ASXL1: variants seen among roughly 807,000 people sequenced by gnomAD.
The protein encoded by ASXL1 is ASXL transcriptional regulator 1.
ASXL1 carries 65 observed loss-of-function variants against 89.1 expected under a neutral mutation model. The observed-to-expected ratio is 0.73, with a 90% CI of 0.60 to 0.90. ASXL1 has a LOEUF of 0.90. ASXL1 is among the 40% of genes least tolerant of loss of function. ASXL1 has a pLI of 0.00. For missense variants in ASXL1, 1,786 were observed against 1,942.9 expected, an observed-to-expected ratio of 0.92 and a Z score of 1.52; for synonymous variants, 739 against 746.9, an observed-to-expected ratio of 0.99 and a Z score of 0.17.
intron 1 of ASXL1, among the ~76,000 whole-genome samples, chr20:32,362,433 G>A (rs543033609): frequency 2.0e-5 from 3 of 152,146 alleles, no homozygotes; most frequent in South Asian, 4.1e-4. Context: ...TCAGGAGATC[G>A]AGACCATCCT....
chr20:32,381,252 C>T (rs1216255474), intron 4 of ASXL1, among the ~76,000 whole-genome samples: 1 of 152,130 alleles, frequency 6.6e-6, no homozygotes, highest in African/African-American at 2.4e-5. Flanking sequence ...GTTATTTAGG[C>T]TGAGTGCAGT....
Position 32,425,389 on chromosome 20 carries a change from A to C in ASXL1, c.253-2739A>C, listed in dbSNP as rs191342559. On this transcript the variant is annotated intron_variant, in intron 4 of 12. Transcript: ENST00000375687. ...CCTAGGAGGGACGTTGCTGGGTCAG[A>C]GGATGTTTGTATCTTCAACTGTACC... Among the ~76,000 whole-genome samples, 4 of 152,324 alleles carry C rather than the reference A, an allele frequency of 2.6e-5. No individual in the cohort carries two copies. The East Asian group carries it at 7.7e-4, about 29-fold the overall frequency.
At chr20:32,416,855 T>G (rs2049146625) in intron 4 of ASXL1, among the ~76,000 whole-genome samples, 1 of 152,194 alleles carries the variant, frequency 6.6e-6, no homozygotes, top group African/African-American at 2.4e-5. Context: ...TTTTTAAAAG[T>G]TTTGAGAAAC....
rs910695925 is a variant in ASXL1, at chr20:32,438,102, C to T, written c.*764C>T. ...CAGGTGAATTCCTCTGCTTGACATC[C>T]TCCCTGTCACTTTGGACCCTATGGG... On this transcript the variant is annotated 3_prime_UTR_variant, in exon 13 of 13. Transcript: ENST00000375687. The T allele has an allele frequency of 2.1e-5, 5 of 233,432 alleles. No individual in the cohort carries two copies. The highest frequency in any genetic ancestry group is 4.2e-5 in the Non-Finnish European group (5 of 118,086). The allele number at this position is 233,432 out of a possible 1,614,324, so 14.5% of individuals were successfully genotyped here.
At chr20:32,421,698 A>G (rs969109026) in intron 4 of ASXL1, among the ~76,000 whole-genome samples, 2 of 152,192 alleles carry the variant, frequency 1.3e-5, no homozygotes, top group Non-Finnish European at 2.9e-5. Context: ...GATGCATGCA[A>G]CAATGTAGAT....
chr20:32,406,875 A>T (rs916360332), intron 4 of ASXL1, among the ~76,000 whole-genome samples: 1 of 151,764 alleles, frequency 6.6e-6, no homozygotes, highest in Non-Finnish European at 1.5e-5. Context: ...TCTGTGCTCC[A>T]CTCAGGCTCT....
intron 8 of ASXL1, 56 bp from the exon 9 acceptor site, chr20:32,431,265 G>A: frequency 1.2e-6 from 2 of 1,611,230 alleles, no homozygotes; most frequent in Admixed American, 1.7e-5. Flanking sequence ...CCATCAGTTG[G>A]CATTTGTTTT....
At chr20:32,403,278 C>G (rs567141416) in intron 4 of ASXL1, among the ~76,000 whole-genome samples, 2 of 152,168 alleles carry the variant, frequency 1.3e-5, no homozygotes, top group African/African-American at 4.8e-5. Context: ...CTGTCAATAC[C>G]GTACTGTCTT....
chr20:32,413,759 T>C (rs2049090215), intron 4 of ASXL1, among the ~76,000 whole-genome samples: 1 of 152,246 alleles, frequency 6.6e-6, no homozygotes, highest in South Asian at 2.1e-4. Flanking sequence ...TCCTTATATG[T>C]ACCTTGGGAA....
chr20:32,372,246 T>C (rs2048311028), intron 4 of ASXL1: 3 of 1,314,456 alleles, frequency 2.3e-6, no homozygotes, highest in Admixed American at 2.7e-5. Context: ...TGCTGTAAGC[T>C]TGGGAGTGGT....
In ASXL1 at chr20:32,436,689, C is replaced by T. The variant is rs757562094; in HGVS notation, c.3977C>T (p.Pro1326Leu). 15 of 1,614,048 alleles carry T rather than the reference C, an allele frequency of 9.3e-6. No homozygotes were observed. Among genetic ancestry groups the T allele is most frequent in the Non-Finnish European group, 1.0e-5 (12 of 1,180,052 alleles). ...AGGCCTGCGGACCCGATGCCTCTTC[C>T]TGCTGAGATCCCTCCAGTTTTTCCC... ...RPRPADPMPL[P>L]AEIPPVFPSG... The change falls in exon 13 of 13, where the codon CCT becomes CTT. Residue 1326 changes from proline (P) to leucine (L), a missense_variant. This residue lies in a region of ASXL1 where 1,418 missense variants were observed against 1,427.8 expected (regional missense o/e 0.99). Coordinates refer to ENST00000375687, the MANE Select transcript of ASXL1 (RefSeq NM_015338.6).
At position 32,386,844 on chromosome 20, in the gene ASXL1, A is replaced by G. The variant is rs2048588679; in HGVS notation, c.252+17721A>G. Among the ~76,000 whole-genome samples the G allele has an allele frequency of 2.4e-5, 3 of 126,816 alleles. No individual in the cohort carries two copies. The Admixed American group carries it at 2.7e-4, about 12-fold the overall frequency. The allele number at this position is 126,816 out of a possible 152,430, so 83.2% of individuals were successfully genotyped here. A position where few individuals can be genotyped will look rare whatever the true frequency, so the allele number is the denominator to read the frequency against. Reference sequence around the variant, plus strand: ...GAAAGTTTTTAGGATCTTTTTTTCCACGATTATGTACCTTGATGTGGGTCT... The same window carrying G: ...GAAAGTTTTTAGGATCTTTTTTTCCGCGATTATGTACCTTGATGTGGGTCT... On this transcript the variant is annotated intron_variant, in intron 4 of 12. Transcript: ENST00000375687.
chr20:32,428,104 C>G, intron 4 of ASXL1, 24 bp from the exon 5 acceptor site: 1 of 1,612,568 alleles, frequency 6.2e-7, no homozygotes, highest in East Asian at 2.2e-5. Flanking sequence ...TTTTGTTCAC[C>G]TGAGTTGTAC....
At chr20:32,412,315 G>C (rs868127501) in intron 4 of ASXL1, among the ~76,000 whole-genome samples, 4 of 152,162 alleles carry the variant, frequency 2.6e-5, no homozygotes, top group Middle Eastern at 3.2e-3. Flanking sequence ...TAAACACTTA[G>C]TAGTTTTATA....
At chr20:32,368,925 C>A in intron 3 of ASXL1, 90 bp from the exon 4 acceptor site, 1 of 1,060,342 alleles carries the variant, frequency 9.4e-7, no homozygotes, top group Non-Finnish European at 1.4e-6. Context: ...TGCTTAGCTT[C>A]TTCTCATTTA....
intron 11 of ASXL1, 121 bp downstream of exon 11, chr20:32,433,106 T>C (rs1363166193): frequency 6.5e-7 from 1 of 1,540,974 alleles, no homozygotes; most frequent in South Asian, 1.2e-5. Context: ...GACACTTGGG[T>C]CATTTATCTT....
chr20:32,364,356 C>T (rs949759681), intron 1 of ASXL1, among the ~76,000 whole-genome samples: 1 of 152,050 alleles, frequency 6.6e-6, no homozygotes, highest in East Asian at 1.9e-4. Flanking sequence ...GCTGGGATTA[C>T]GGGCATGAGC....
chr20:32,358,866 C>T (rs2048057579), intron 1 of ASXL1, 34 bp downstream of exon 1: 1 of 1,486,192 alleles, frequency 6.7e-7, no homozygotes, highest in East Asian at 2.8e-5. Flanking sequence ...CTCCGTGGGG[C>T]CCGGGGTGGG....
intron 4 of ASXL1, among the ~76,000 whole-genome samples, chr20:32,395,217 G>C (rs117719943): frequency 6.6e-6 from 1 of 150,536 alleles, no homozygotes; most frequent in Non-Finnish European, 1.5e-5. Context: ...ATATCTTTAA[G>C]CTTTGGTGTG....
Sources: allele counts gnomAD v4.1 joint callset (sites outside exome capture counted in the v4.1 genomes callset), GRCh38; gene constraint gnomAD v4.1.1; regional missense constraint gnomAD v4.1.1; transcripts MANE v1.5; gene names NCBI Gene and HGNC (gene_info 2026-07-23, HGNC 2026-07-21).